PZP: variants seen among roughly 807,000 people sequenced by gnomAD.
PZP encodes pregnancy zone protein.
In PZP, 150 loss-of-function variants were observed where a neutral mutation model predicts 179.8. The ratio of observed to expected loss-of-function variants is 0.83; its 90% CI spans 0.73 to 0.96. PZP has a LOEUF of 0.96. PZP is among the 40% of genes least tolerant of loss of function. The pLI is 0.00. For missense variants in PZP, 1,689 were observed against 1,764.0 expected (o/e 0.96, Z 0.76); for synonymous variants, 624 against 652.3 (o/e 0.96, Z 0.66).
At chr12:9,181,186 G>T (rs1942739062) in intron 14 of PZP, 54 bp from the exon 15 acceptor site, 2 of 1,608,790 alleles carry the variant, frequency 1.2e-6, no homozygotes, top group Admixed American at 3.4e-5. Flanking sequence ...CTGTGATCTT[G>T]CAGTCACCTG....
At chr12:9,189,950 C>G (rs1943359473) in intron 13 of PZP, among the ~76,000 whole-genome samples, 1 of 152,080 alleles carries the variant, frequency 6.6e-6, no homozygotes, top group Non-Finnish European at 1.5e-5. Flanking sequence ...AGATTATCAT[C>G]TCACATCAGT....
chr12:9,194,212 C>T lies in PZP; in HGVS notation c.1119G>A (p.Val373=). 6.2e-7 allele frequency: 1 copy of T among 1,613,902 alleles called. No individual in the cohort carries two copies. ...TGAAGAAGAGTTTATTGGGGATGGG[C>T]ACACCTTTTCCATCCACCAGAAGCA... The part of the protein sequence containing the change: ...AQVLLVDGKG[V]PIPNKLFFIS... The change falls in exon 11 of 36, where the codon GTG becomes GTA. Residue 373 remains valine (V), a synonymous_variant. Transcript: ENST00000261336.
chr12:9,205,149 T>C (rs973768552), intron 1 of PZP, among the ~76,000 whole-genome samples: 2 of 152,156 alleles, frequency 1.3e-5, no homozygotes, highest in African/African-American at 4.8e-5. Context: ...TTTTGAAAAG[T>C]CTTTTCTTTT....
chr12:9,157,102 C>T (rs1334721174), intron 28 of PZP, 73 bp downstream of exon 28: 3 of 1,439,676 alleles, frequency 2.1e-6, no homozygotes, highest in Non-Finnish European at 2.9e-6. Context: ...CCAGACAGGC[C>T]CCAATGTGTG....
intron 13 of PZP, among the ~76,000 whole-genome samples, chr12:9,183,143 T>G (rs1942880818): frequency 6.6e-6 from 1 of 152,216 alleles, no homozygotes; most frequent in Admixed American, 6.5e-5. Flanking sequence ...AAATTAAGTC[T>G]AATACCCTTA....
At chr12:9,202,400 A>G in intron 3 of PZP, 29 bp from the exon 4 acceptor site, 6 of 1,614,126 alleles carry the variant, frequency 3.7e-6, no homozygotes, top group Non-Finnish European at 5.1e-6. Context: ...GATAAGATTC[A>G]GACATGATAA....
intron 29 of PZP, among the ~76,000 whole-genome samples, chr12:9,153,645 G>A (rs148322157): frequency 1.4e-4 from 22 of 152,330 alleles, no homozygotes; most frequent in Non-Finnish European, 2.6e-4. Context: ...GACAAAAATA[G>A]TGACCATTTT....
intron 24 of PZP, 65 bp from the exon 25 acceptor site, chr12:9,160,090 G>C: frequency 6.9e-7 from 1 of 1,453,712 alleles, no homozygotes; most frequent in Non-Finnish European, 9.6e-7. Context: ...CATATGTTTA[G>C]GCTCATGCAT....
At chr12:9,176,515 A>G (rs938537046) in intron 15 of PZP, among the ~76,000 whole-genome samples, 2 of 152,230 alleles carry the variant, frequency 1.3e-5, no homozygotes, top group African/African-American at 4.8e-5. Context: ...AATAAAAATA[A>G]AAGAACCACA....
chr12:9,207,853 A>G (rs1944516311), intron 1 of PZP, among the ~76,000 whole-genome samples: 1 of 152,208 alleles, frequency 6.6e-6, no homozygotes, highest in African/African-American at 2.4e-5. Flanking sequence ...GCTGTTGGTG[A>G]AGACTTGATA....
chr12:9,202,235 C>A, intron 4 of PZP, 84 bp downstream of exon 4: 1 of 1,249,978 alleles, frequency 8.0e-7, no homozygotes, highest in Non-Finnish European at 1.2e-6. Context: ...TTCATCCTCT[C>A]GCTTTTCTTG....
chr12:9,191,263 A>G (rs776910447), intron 13 of PZP, among the ~76,000 whole-genome samples: 1 of 152,266 alleles, frequency 6.6e-6, no homozygotes, highest in East Asian at 1.9e-4. Flanking sequence ...TACATAGACC[A>G]GTATTAGAAG....
intron 35 of PZP, among the ~76,000 whole-genome samples, chr12:9,149,273 A>G (rs1227089635): frequency 1.3e-5 from 2 of 152,242 alleles, no homozygotes; most frequent in African/African-American, 4.8e-5. Flanking sequence ...TGATTAGTTG[A>G]CCATTGTGTT....
chr12:9,157,350 A>AGGGTTCT lies in PZP; in HGVS notation c.3370-2_3374dup (p.Ile1126GlufsTer47). ...GGCAGAACAGGGCATTGCGAACAAT[A>AGGGTTCT]GGGTTCTGTAAAGGCAAAATGTGGT... On this transcript the variant is annotated frameshift_variant, in exon 28 of 36. Coordinates refer to ENST00000261336, the MANE Select transcript of PZP (RefSeq NM_002864.3). LOFTEE classifies it high-confidence loss of function. 6.2e-7 allele frequency: 1 copy of AGGGTTCT among 1,612,304 alleles called. No homozygotes were observed. Among genetic ancestry groups the AGGGTTCT allele is most frequent in the Non-Finnish European group, 8.5e-7 (1 of 1,179,142 alleles).
Position 9,201,028 on chromosome 12 carries a change from C to G in PZP, c.534G>C (p.Gln178His). The G allele has an allele frequency of 1.2e-6, 2 of 1,614,118 alleles. No homozygotes were observed. Among genetic ancestry groups the G allele is most frequent in the Non-Finnish European group, 1.7e-6 (2 of 1,179,982 alleles). ...TGATGCCAGCTTCTAGCTTGAGACT[C>G]TGCCATTGTGCAATTCGATTTCTTC... Reference protein sequence around the residue: ...NPRRNRIAQWQSLKLEAGINQ... With the variant: ...NPRRNRIAQWHSLKLEAGINQ... The change falls in exon 6 of 36, where the codon CAG (glutamine) becomes CAC (histidine). Residue 178 changes from glutamine (Q) to histidine (H), a missense_variant. By Grantham distance (24) the Gln-to-His change is conservative. Transcript: ENST00000261336.
chr12:9,200,186 T>A (rs1944072083), intron 7 of PZP, among the ~76,000 whole-genome samples, 178 bp downstream of exon 7: 1 of 152,078 alleles, frequency 6.6e-6, no homozygotes, highest in Non-Finnish European at 1.5e-5. Context: ...CATAATTAAG[T>A]GTGTTTCTAT....
At chr12:9,160,189 G>A in intron 24 of PZP, 125 bp downstream of exon 24, 1 of 1,093,400 alleles carries the variant, frequency 9.1e-7, no homozygotes, top group Non-Finnish European at 1.3e-6. Flanking sequence ...TCCTATTAGA[G>A]TGTGGGAAGA....
At chr12:9,200,272 C>T in intron 7 of PZP, 92 bp downstream of exon 7, 2 of 802,944 alleles carry the variant, frequency 2.5e-6, no homozygotes, top group Non-Finnish European at 3.8e-6. Flanking sequence ...TACAAAAGTG[C>T]TGAGGCAAAG....
intron 13 of PZP, among the ~76,000 whole-genome samples, chr12:9,184,094 G>A (rs192604348): frequency 6.6e-6 from 1 of 152,294 alleles, no homozygotes; most frequent in Admixed American, 6.5e-5. Flanking sequence ...AAAGAATAGT[G>A]GTAGGAAATT....
Sources: gnomAD v4.1 joint callset for allele counts (sites outside exome capture counted in the v4.1 genomes callset) on GRCh38, gnomAD v4.1.1 for gene constraint, MANE v1.5 for transcripts, NCBI Gene and HGNC (gene_info 2026-07-23, HGNC 2026-07-21) for gene names.